Variants in VDAC1 observed in about 807,000 individuals in gnomAD.
The protein encoded by VDAC1 is voltage dependent anion channel 1.
VDAC1 carries 10 observed loss-of-function variants against 34.7 expected under a neutral mutation model. The ratio of observed to expected loss-of-function variants is 0.29; its 90% CI spans 0.18 to 0.49. VDAC1 has a LOEUF of 0.49. Ranked by LOEUF, VDAC1 falls within the 20% of genes least tolerant of loss-of-function variation. The probability of loss-of-function intolerance (pLI) is 0.99; values close to 1 mark genes in which losing one functional copy is unlikely to be tolerated. For missense variants in VDAC1, 230 were observed against 347.9 expected (o/e 0.66, Z 2.69); for synonymous variants, 130 against 136.0 (o/e 0.96, Z 0.30).
At chr5:134,035,744 C>A in the VDAC1 span, among the ~76,000 whole-genome samples, 1 of 152,262 alleles carries the variant, frequency 6.6e-6, no homozygotes, top group South Asian at 2.1e-4. Context: ...TTGTGGCTCA[C>A]GCCTGTAATC....
chr5:133,994,812 CA>C (rs1753234743), intron 1 of VDAC1, among the ~76,000 whole-genome samples: 2 of 152,080 alleles, frequency 1.3e-5, no homozygotes, highest in South Asian at 2.1e-4. Context: ...CTATGCCTCC[CA>C]GGGGGGCCAC....
At chr5:133,974,914 C>G (rs1752417715) in intron 7 of VDAC1, among the ~76,000 whole-genome samples, 1 of 151,360 alleles carries the variant, frequency 6.6e-6, no homozygotes, top group African/African-American at 2.4e-5. Context: ...GAGATCGTGC[C>G]ATTGCACTCC....
chr5:134,088,023 C>A, the VDAC1 span, among the ~76,000 whole-genome samples: 24 of 151,138 alleles, frequency 1.6e-4, no homozygotes, highest in Admixed American at 9.9e-4. Context: ...GGCGTTGTAG[C>A]GCGTGCCTGT....
the VDAC1 span, among the ~76,000 whole-genome samples, chr5:134,077,314 T>C: frequency 1.3e-5 from 2 of 148,934 alleles, no homozygotes; most frequent in Non-Finnish European, 3.0e-5. Context: ...ACATTCACCC[T>C]TAAACCTCTT....
the VDAC1 span, among the ~76,000 whole-genome samples, chr5:134,078,067 C>T: frequency 6.6e-6 from 1 of 152,180 alleles, no homozygotes; most frequent in African/African-American, 2.4e-5. Flanking sequence ...AGTCTGATCC[C>T]TTGAGGTTAT....
At chr5:133,985,192 T>G (rs1167382782) in intron 5 of VDAC1, among the ~76,000 whole-genome samples, 1 of 152,200 alleles carries the variant, frequency 6.6e-6, no homozygotes, top group Non-Finnish European at 1.5e-5. Context: ...AGTCTCTTTC[T>G]TTGGCTGCTC....
the VDAC1 span, among the ~76,000 whole-genome samples, chr5:134,045,340 A>T: frequency 1.3e-5 from 2 of 152,222 alleles, no homozygotes; most frequent in Non-Finnish European, 2.9e-5. Flanking sequence ...AAAGTGCCAC[A>T]AACTTAGTGG....
the VDAC1 span, among the ~76,000 whole-genome samples, chr5:134,026,055 G>A: frequency 2.0e-5 from 3 of 152,020 alleles, no homozygotes; most frequent in Non-Finnish European, 4.4e-5. Context: ...AGTCATTGCC[G>A]GGCAAGCAGC....
chr5:134,060,788 T>C, the VDAC1 span, among the ~76,000 whole-genome samples: 2 of 151,576 alleles, frequency 1.3e-5, no homozygotes, highest in African/African-American at 4.8e-5. Context: ...CTATATGTAT[T>C]ATGTATATTA....
At chr5:133,990,581 A>G (rs1753068914) in intron 5 of VDAC1, among the ~76,000 whole-genome samples, 1 of 152,214 alleles carries the variant, frequency 6.6e-6, no homozygotes, top group Admixed American at 6.5e-5. Flanking sequence ...AGATCTCCAG[A>G]TGGGCACAGG....
At chr5:134,113,390 T>C in the VDAC1 span, among the ~76,000 whole-genome samples, 4 of 152,262 alleles carry the variant, frequency 2.6e-5, no homozygotes, top group African/African-American at 9.6e-5. Context: ...CAGGGAAGCA[T>C]GGCCTAGCTC....
the VDAC1 span, among the ~76,000 whole-genome samples, chr5:134,108,481 G>T: frequency 6.6e-6 from 1 of 152,104 alleles, no homozygotes; most frequent in Non-Finnish European, 1.5e-5. Context: ...AATTTACCCT[G>T]CCCACCACAT....
chr5:134,009,093 A>ATGAGGTGT (rs1267322226), upstream of VDAC1, among the ~76,000 whole-genome samples: 1 of 152,114 alleles, frequency 6.6e-6, no homozygotes, highest in African/African-American at 2.4e-5. Context: ...ATCCCAAAAC[A>ATGAGGTGT]TGAGGTGTCC....
chr5:134,109,770 C>CAAAAAAAAAAAAAAAAAAAAAA, the VDAC1 span, among the ~76,000 whole-genome samples: 16 of 140,312 alleles, frequency 1.1e-4, no homozygotes, highest in African/African-American at 3.6e-4. Context: ...GGCTCCATCT[C>CAAAAAAAAAAAAAAAAAAAAAA]AAAAAAAAAA....
At chr5:133,975,050 T>C (rs1752424887) in intron 7 of VDAC1, among the ~76,000 whole-genome samples, 1 of 152,030 alleles carries the variant, frequency 6.6e-6, no homozygotes, top group Non-Finnish European at 1.5e-5. Context: ...GAGGACAGCT[T>C]GAGCCCAGGA....
the VDAC1 span, among the ~76,000 whole-genome samples, chr5:134,023,526 G>A: frequency 1.3e-5 from 2 of 150,322 alleles, no homozygotes; most frequent in African/African-American, 4.9e-5. Flanking sequence ...CCCTCTCCAT[G>A]GCAGATAAAT....
the VDAC1 span, among the ~76,000 whole-genome samples, chr5:134,056,133 C>T: frequency 3.0e-4 from 45 of 150,610 alleles, no homozygotes; most frequent in Non-Finnish European, 4.1e-4. Context: ...CCCAGCTACT[C>T]GGGAGGCTGA....
chr5:134,010,029 G>A, the VDAC1 span, among the ~76,000 whole-genome samples: 1 of 152,244 alleles, frequency 6.6e-6, no homozygotes, highest in South Asian at 2.1e-4. Flanking sequence ...TAAAAAGAGC[G>A]AACTTTTTTC....
At chr5:134,086,245 C>A in the VDAC1 span, among the ~76,000 whole-genome samples, 1 of 152,148 alleles carries the variant, frequency 6.6e-6, no homozygotes, top group Non-Finnish European at 1.5e-5. Context: ...AGATGATAGA[C>A]ATGAAACTGC....
Sources: gnomAD v4.1 joint callset for allele counts (sites outside exome capture counted in the v4.1 genomes callset) on GRCh38, gnomAD v4.1.1 for gene constraint, MANE v1.5 for transcripts, NCBI Gene and HGNC (gene_info 2026-07-23, HGNC 2026-07-21) for gene names.